FHIT: variants seen among roughly 807,000 people sequenced by gnomAD.
FHIT encodes fragile histidine triad diadenosine triphosphatase.
A neutral mutation model predicts 17.9 loss-of-function variants in FHIT; 19 were observed. The ratio of observed to expected loss-of-function variants is 1.06; its 90% CI spans 0.74 to 1.56. FHIT has a LOEUF of 1.56. Among genes scored for constraint, FHIT ranks in the 40% most tolerant of loss-of-function variants. The pLI is 0.00. For synonymous variants in FHIT, 81 were observed against 69.7 expected (o/e 1.16, Z -0.81); for missense variants, 248 against 189.2 (o/e 1.31, Z -1.82).
intron 2 of FHIT, among the ~76,000 whole-genome samples, chr3:61,148,185 G>A (rs1400465899): frequency 6.6e-6 from 1 of 151,884 alleles, no homozygotes; most frequent in Non-Finnish European, 1.5e-5. Context: ...TAATGAAAAA[G>A]AAATTCTATA....
intron 5 of FHIT, among the ~76,000 whole-genome samples, chr3:60,334,850 G>A (rs183467197): frequency 1.2e-4 from 18 of 152,314 alleles, no homozygotes; most frequent in South Asian, 4.1e-4. Flanking sequence ...CGAACTATCT[G>A]TGATTAATGT....
Position 59,981,541 on chromosome 3 carries a change from T to G in FHIT, c.279+29830A>C, listed in dbSNP as rs924844297. Among the ~76,000 whole-genome samples the G allele has an allele frequency of 8.5e-5, 13 of 152,276 alleles. No homozygotes were observed. In the East Asian group the frequency reaches 2.5e-3, roughly 29 times the overall value. On this transcript the variant is annotated intron_variant, in intron 7 of 9. Transcript: ENST00000492590. ...GTTCATTACACACAGATTCCCACAG[T>G]GGCAGTGCCTGGCCACATTACCGAA...
intron 2 of FHIT, among the ~76,000 whole-genome samples, chr3:61,134,495 A>T (rs540526287): frequency 6.6e-6 from 1 of 152,294 alleles, no homozygotes; most frequent in Non-Finnish European, 1.5e-5. Flanking sequence ...TCAAAGAAAA[A>T]GAGTCTGACT....
chr3:60,659,233 T>C (rs1366195280), intron 4 of FHIT, among the ~76,000 whole-genome samples: 2 of 152,114 alleles, frequency 1.3e-5, no homozygotes, highest in South Asian at 2.1e-4. Flanking sequence ...TTGAGTATAC[T>C]GTGTCTTGTG....
chr3:59,916,210 C>A (rs1225380968), intron 8 of FHIT, among the ~76,000 whole-genome samples: 2 of 152,106 alleles, frequency 1.3e-5, no homozygotes, highest in Non-Finnish European at 2.9e-5. Context: ...AGTTTTCCGG[C>A]CTTCATCTTT....
intron 4 of FHIT, among the ~76,000 whole-genome samples, chr3:60,764,919 C>T (rs1699796530): frequency 6.6e-6 from 1 of 151,952 alleles, no homozygotes; most frequent in African/African-American, 2.4e-5. Context: ...AGCATTGAAA[C>T]CAGGATTTTC....
chr3:61,239,761 C>CAATATATATATATATATATA (rs1491311135), intron 1 of FHIT, among the ~76,000 whole-genome samples: 1 of 63,166 alleles, frequency 1.6e-5, no homozygotes, highest in African/African-American at 6.4e-5. Flanking sequence ...AAACAACTGG[C>CAATATATATATATATATATA]CATATATATA....
chr3:60,476,366 T>C (rs1296763187), intron 5 of FHIT, among the ~76,000 whole-genome samples: 1 of 152,112 alleles, frequency 6.6e-6, no homozygotes, highest in Non-Finnish European at 1.5e-5. Flanking sequence ...ACAGGGGGAA[T>C]AAACGCAAAC....
intron 5 of FHIT, among the ~76,000 whole-genome samples, chr3:60,444,784 T>C (rs1387972954): frequency 6.6e-6 from 1 of 151,822 alleles, no homozygotes; most frequent in African/African-American, 2.4e-5. Flanking sequence ...ACATGGCACA[T>C]GTATACATAT....
chr3:61,193,097 A>G (rs540704351), intron 2 of FHIT, among the ~76,000 whole-genome samples: 1 of 152,338 alleles, frequency 6.6e-6, no homozygotes, highest in South Asian at 2.1e-4. Context: ...TCTTTTTCAA[A>G]AAAGCCTAAA....
chr3:60,141,759 G>A (rs17062346), intron 5 of FHIT, among the ~76,000 whole-genome samples: 7,973 of 152,106 alleles, frequency 0.052, 696 homozygotes, highest in African/African-American at 0.18. Context: ...TAATTTCCAC[G>A]TTTACCAACA....
At chr3:60,960,593 C>G (rs1709375989) in intron 3 of FHIT, among the ~76,000 whole-genome samples, 1 of 131,654 alleles carries the variant, frequency 7.6e-6, no homozygotes, top group Non-Finnish European at 1.7e-5. Flanking sequence ...CCACAACAGG[C>G]CCCGGTGTGT....
At chr3:60,439,648 G>C (rs377653772) in intron 5 of FHIT, among the ~76,000 whole-genome samples, 153 of 152,182 alleles carry the variant, frequency 1.0e-3, no homozygotes, top group African/African-American at 3.5e-3. Context: ...ACAGCAGCCT[G>C]GGAAAAGAGC....
chr3:60,485,923 G>C (rs2033819570), intron 5 of FHIT, among the ~76,000 whole-genome samples: 1 of 151,876 alleles, frequency 6.6e-6, no homozygotes, highest in Non-Finnish European at 1.5e-5. Flanking sequence ...TGAGATCAGA[G>C]AAAAAATAAA....
At chr3:60,648,234 C>T (rs978041517) in intron 4 of FHIT, among the ~76,000 whole-genome samples, 3 of 152,136 alleles carry the variant, frequency 2.0e-5, no homozygotes, top group East Asian at 1.9e-4. Flanking sequence ...CAAATTCATA[C>T]GTCACCTGGA....
At chr3:60,581,891 T>G (rs1553659794) in intron 4 of FHIT, among the ~76,000 whole-genome samples, 1 of 152,054 alleles carries the variant, frequency 6.6e-6, no homozygotes, top group Non-Finnish European at 1.5e-5. Flanking sequence ...GAAATAAGAT[T>G]GGATCAGTAA....
At chr3:60,147,599 T>C (rs1167779099) in intron 5 of FHIT, among the ~76,000 whole-genome samples, 1 of 152,144 alleles carries the variant, frequency 6.6e-6, no homozygotes, top group Non-Finnish European at 1.5e-5. Context: ...AGAATTTCTT[T>C]GAATCCTATT....
In FHIT at chr3:61,157,228, G is replaced by A. The variant is rs150053339; in HGVS notation, c.-164+43389C>T. On this transcript the variant is annotated intron_variant, in intron 2 of 9. Coordinates refer to ENST00000492590, the MANE Select transcript of FHIT (RefSeq NM_002012.4). The stretch of plus-strand genomic sequence containing the variant: ...ATTGTCTTGCACATTTAATGTGTGC[G>A]CAGAAATGGGTCAAGTAGATTATTT... 1.7e-3 allele frequency among the ~76,000 whole-genome samples: 259 copies of A among 152,186 alleles called. 1 individual carries two copies. The highest frequency in any genetic ancestry group is 5.0e-3 in the African/African-American group (208 of 41,542).
chr3:60,825,491 C>A (rs552141995), intron 3 of FHIT, among the ~76,000 whole-genome samples: 7 of 152,272 alleles, frequency 4.6e-5, no homozygotes, highest in African/African-American at 1.4e-4. Flanking sequence ...AACCGCCAGG[C>A]GGCAGACCAG....
Sources: gnomAD v4.1 joint callset for allele counts (sites outside exome capture counted in the v4.1 genomes callset) on GRCh38, gnomAD v4.1.1 for gene constraint, MANE v1.5 for transcripts, NCBI Gene and HGNC (gene_info 2026-07-23, HGNC 2026-07-21) for gene names.